The following PIP5K1B variants were observed in gnomAD, a reference collection of about 807,000 sequenced individuals.
PIP5K1B encodes phosphatidylinositol 4-phosphate 5-kinase type-1 beta.
Under a neutral mutation model 67.0 loss-of-function variants are expected in PIP5K1B, and 42 were observed. The ratio of observed to expected loss-of-function variants is 0.63; its 90% confidence interval spans 0.49 to 0.81. PIP5K1B has a LOEUF of 0.81. Ranked by LOEUF, PIP5K1B falls within the 30% of genes least tolerant of loss-of-function variation. The probability of loss-of-function intolerance (pLI) is 0.00; values close to 1 mark genes in which losing one functional copy is unlikely to be tolerated. For missense variants in PIP5K1B, 459 were observed against 646.3 expected (o/e 0.71, Z 3.14); for synonymous variants, 214 against 231.4 (o/e 0.92, Z 0.68).
At chr9:68,843,053 A>G (rs1564177192) in intron 4 of PIP5K1B, 1 of 152,170 alleles carries the variant, frequency 6.6e-6, no homozygotes, top group Non-Finnish European at 1.5e-5. Context: ...TGTGGGTCCT[A>G]TGGTTGAGGA....
intron 12 of PIP5K1B, among the ~76,000 whole-genome samples, chr9:68,924,809 T>C (rs899634755): frequency 1.3e-5 from 2 of 152,028 alleles, no homozygotes; most frequent in African/African-American, 4.8e-5. Flanking sequence ...TTAATGAAAG[T>C]CAAACACTTG....
rs556884827 is a variant in PIP5K1B at position 68,816,773 on chromosome 9, G to T, written c.-85-1688G>T. ...GGATTAGATTCCATTTGAAGTAAGA[G>T]CTAATATTAAAGATGGACCCATAAA... On this transcript the variant is annotated intron_variant, in intron 2 of 15. Coordinates refer to ENST00000265382, the MANE Select transcript of PIP5K1B (RefSeq NM_003558.4). Among the ~76,000 whole-genome samples the T allele has an allele frequency of 4.6e-5, 7 of 152,280 alleles. No homozygotes were observed. The South Asian group carries it at 1.2e-3, about 27-fold the overall frequency.
chr9:68,775,889 T>G (rs930163347), intron 2 of PIP5K1B, among the ~76,000 whole-genome samples: 2 of 152,194 alleles, frequency 1.3e-5, no homozygotes, highest in African/African-American at 4.8e-5. Context: ...ATTAAACTGT[T>G]TATGGTTGTT....
intron 4 of PIP5K1B, among the ~76,000 whole-genome samples, chr9:68,837,571 A>G (rs1033600491): frequency 2.2e-5 from 3 of 136,414 alleles, no homozygotes; most frequent in Non-Finnish European, 4.8e-5. Context: ...ATGCTTTTCC[A>G]TTCTTAAATT....
intron 4 of PIP5K1B, among the ~76,000 whole-genome samples, chr9:68,849,018 G>A (rs925897965): frequency 5.3e-5 from 8 of 152,158 alleles, no homozygotes; most frequent in Non-Finnish European, 1.0e-4. Flanking sequence ...CACTCTGTTG[G>A]TGAGTATGTA....
chr9:68,841,592 T>C (rs1313844911), intron 4 of PIP5K1B, among the ~76,000 whole-genome samples: 2 of 152,192 alleles, frequency 1.3e-5, no homozygotes, highest in Non-Finnish European at 2.9e-5. Context: ...TTAGATGGAT[T>C]TTTTAATAGT....
At chr9:68,947,131 T>A (rs1277383650) in intron 14 of PIP5K1B, among the ~76,000 whole-genome samples, 1 of 152,198 alleles carries the variant, frequency 6.6e-6, no homozygotes, top group Non-Finnish European at 1.5e-5. Flanking sequence ...TAGAGTCCTT[T>A]CAGGAAATGG....
chr9:69,007,663 C>A (rs953937601), intron 15 of PIP5K1B, among the ~76,000 whole-genome samples: 5 of 152,290 alleles, frequency 3.3e-5, no homozygotes, highest in East Asian at 3.9e-4. Context: ...CAAGACCATC[C>A]TGGCTAACAC....
intron 2 of PIP5K1B, among the ~76,000 whole-genome samples, chr9:68,795,168 C>A (rs969972662): frequency 6.6e-6 from 1 of 150,382 alleles, no homozygotes; most frequent in African/African-American, 2.5e-5. Flanking sequence ...AGAGAGAGAG[C>A]GTGTGTGTGT....
At chr9:68,902,355 G>A (rs1825406252) in intron 8 of PIP5K1B, among the ~76,000 whole-genome samples, 1 of 152,104 alleles carries the variant, frequency 6.6e-6, no homozygotes, top group Admixed American at 6.5e-5. Flanking sequence ...TGTATAAATG[G>A]AATCATACAG....
intron 7 of PIP5K1B, among the ~76,000 whole-genome samples, chr9:68,889,820 A>T (rs946584386): frequency 4.6e-5 from 7 of 152,088 alleles, no homozygotes; most frequent in African/African-American, 1.7e-4. Flanking sequence ...AAAATAAAGG[A>T]AAGATAAAGG....
intron 2 of PIP5K1B, among the ~76,000 whole-genome samples, chr9:68,806,807 G>A (rs1199441870): frequency 6.6e-6 from 1 of 152,150 alleles, no homozygotes; most frequent in Non-Finnish European, 1.5e-5. Flanking sequence ...GATTCTCTAG[G>A]GAAATTGTTG....
intron 14 of PIP5K1B, among the ~76,000 whole-genome samples, chr9:68,988,294 T>G (rs1830179300): frequency 1.3e-5 from 2 of 151,502 alleles, no homozygotes; most frequent in South Asian, 4.1e-4. Context: ...GAAAGACACT[T>G]CCGGAATATT....
At chr9:68,788,133 G>A (rs1237366785) in intron 2 of PIP5K1B, among the ~76,000 whole-genome samples, 2 of 152,200 alleles carry the variant, frequency 1.3e-5, no homozygotes, top group Admixed American at 1.3e-4. Context: ...GTTCTGTCCA[G>A]TTCTCCCTGG....
intron 14 of PIP5K1B, among the ~76,000 whole-genome samples, chr9:68,979,762 G>A (rs1328056152): frequency 6.6e-6 from 1 of 152,200 alleles, no homozygotes; most frequent in African/African-American, 2.4e-5. Context: ...TGCTTCTGGT[G>A]CTCACTGCGG....
intron 4 of PIP5K1B, chr9:68,824,205 G>A: frequency 1.9e-6 from 1 of 518,944 alleles, no homozygotes; most frequent in South Asian, 1.4e-5. Context: ...TATTACTTCA[G>A]ATCAGTTTCA....
intron 1 of PIP5K1B, among the ~76,000 whole-genome samples, chr9:68,723,179 TGAGAGAGAGAGAGA>T (rs754438778): frequency 3.4e-5 from 4 of 116,822 alleles, no homozygotes; most frequent in African/African-American, 6.6e-5. Flanking sequence ...TGTGTGTGTG[TGAGAGAGAGAGAGA>T]GAGAGGGAGA....
chr9:68,821,455 T>C (rs1031807361), intron 3 of PIP5K1B, among the ~76,000 whole-genome samples: 26 of 152,144 alleles, frequency 1.7e-4, no homozygotes, highest in African/African-American at 6.3e-4. Flanking sequence ...TACAAAGAAC[T>C]AAAACTGATG....
chr9:68,953,355 GT>G (rs1403029126), intron 14 of PIP5K1B, among the ~76,000 whole-genome samples: 4 of 151,732 alleles, frequency 2.6e-5, no homozygotes, highest in African/African-American at 9.7e-5. Flanking sequence ...TTAGGATTAT[GT>G]TTTTTGTTTT....
Sources: allele counts gnomAD v4.1 joint callset (sites outside exome capture counted in the v4.1 genomes callset), GRCh38; gene constraint gnomAD v4.1.1; transcripts MANE v1.5; gene names NCBI Gene and HGNC (gene_info 2026-07-23, HGNC 2026-07-21).